The following TTC28 variants were observed in gnomAD, a reference collection of about 807,000 sequenced individuals.
TTC28 encodes tetratricopeptide repeat protein 28.
Under a neutral mutation model 198.0 loss-of-function variants are expected in TTC28, and 61 were observed. The observed-to-expected ratio is 0.31, with a 90% confidence interval of 0.25 to 0.38. The LOEUF (loss-of-function observed/expected upper bound fraction) is 0.38. Ranked by LOEUF, TTC28 falls within the 10% of genes least tolerant of loss-of-function variation. The pLI, the probability that TTC28 is intolerant of heterozygous loss-of-function variation, is 1.00. For missense variants in TTC28, 2,678 were observed against 3,164.0 expected, an observed-to-expected ratio of 0.85 and a Z score of 3.69; for synonymous variants, 1,171 against 1,297.8, an observed-to-expected ratio of 0.90 and a Z score of 2.10.
chr22:28,522,253 C>T (rs73430123), intron 2 of TTC28, among the ~76,000 whole-genome samples: 15,102 of 152,026 alleles, frequency 0.099, 857 homozygotes, highest in African/African-American at 0.12. Flanking sequence ...TTTGGGAGGC[C>T]GAGATAGGTG....
chr22:27,985,406 A>T, intron 21 of TTC28, 50 bp from the exon 22 acceptor site: 1 of 1,442,366 alleles, frequency 6.9e-7, no homozygotes, highest in African/African-American at 1.4e-5. Context: ...AAGATTCCAG[A>T]TCTTGAACAT....
chr22:28,510,221 CA>C (rs2048669240), intron 2 of TTC28, among the ~76,000 whole-genome samples: 1 of 151,308 alleles, frequency 6.6e-6, no homozygotes, highest in Non-Finnish European at 1.5e-5. Flanking sequence ...GGCAGAGATA[CA>C]AAACATCAAG....
chr22:28,582,897 G>A (rs1315887299), intron 2 of TTC28, among the ~76,000 whole-genome samples: 1 of 152,128 alleles, frequency 6.6e-6, no homozygotes, highest in Non-Finnish European at 1.5e-5. Flanking sequence ...GTACATTCCA[G>A]GTGATATGTC....
intron 2 of TTC28, among the ~76,000 whole-genome samples, chr22:28,625,905 T>A (rs1362571324): frequency 6.6e-6 from 1 of 152,272 alleles, no homozygotes; most frequent in Non-Finnish European, 1.5e-5. Context: ...GTCAAATGGT[T>A]TGTGACAAAG....
chr22:28,480,778 G>GA (rs368438854), intron 2 of TTC28, among the ~76,000 whole-genome samples: 2 of 151,484 alleles, frequency 1.3e-5, no homozygotes, highest in African/African-American at 2.4e-5. Flanking sequence ...AAAAAATACA[G>GA]AAAAAAAATA....
intron 2 of TTC28, among the ~76,000 whole-genome samples, chr22:28,623,147 A>G (rs1296580111): frequency 1.3e-5 from 2 of 151,868 alleles, no homozygotes; most frequent in Non-Finnish European, 2.9e-5. Flanking sequence ...TTTAAGAGAC[A>G]TGATCTCACT....
chr22:28,117,007 T>C (rs1018711849), intron 6 of TTC28, among the ~76,000 whole-genome samples: 27 of 152,252 alleles, frequency 1.8e-4, no homozygotes, highest in African/African-American at 6.3e-4. Flanking sequence ...CCCTGCTATC[T>C]GGATCTCTTC....
chr22:28,169,263 G>A (rs1922385677), intron 5 of TTC28, among the ~76,000 whole-genome samples: 1 of 152,162 alleles, frequency 6.6e-6, no homozygotes, highest in Non-Finnish European at 1.5e-5. Context: ...AAGTCGGTGT[G>A]GTGATTCCTC....
At chr22:28,115,661 G>A (rs370685887) in intron 6 of TTC28, among the ~76,000 whole-genome samples, 4 of 152,248 alleles carry the variant, frequency 2.6e-5, no homozygotes, top group South Asian at 2.1e-4. Flanking sequence ...GCCATCGCAC[G>A]TCTGTTCTGC....
intron 2 of TTC28, among the ~76,000 whole-genome samples, chr22:28,553,586 C>T (rs1380853825): frequency 6.6e-6 from 1 of 151,616 alleles, no homozygotes; most frequent in Non-Finnish European, 1.5e-5. Context: ...GCCCCTCCGC[C>T]CGGCAGCCAC....
chr22:28,579,492 T>C (rs2050201852), intron 2 of TTC28, among the ~76,000 whole-genome samples: 1 of 148,786 alleles, frequency 6.7e-6, no homozygotes, highest in Non-Finnish European at 1.5e-5. Context: ...TATAGTTATA[T>C]GTATAGTTAT....
chr22:28,103,217 T>G (rs1810331124), intron 8 of TTC28, among the ~76,000 whole-genome samples: 1 of 152,152 alleles, frequency 6.6e-6, no homozygotes, highest in Non-Finnish European at 1.5e-5. Flanking sequence ...CATCCAGCTC[T>G]CCTAGAACCT....
intron 2 of TTC28, among the ~76,000 whole-genome samples, chr22:28,479,755 T>C (rs2048219426): frequency 6.6e-6 from 1 of 152,122 alleles, no homozygotes; most frequent in South Asian, 2.1e-4. Context: ...CATTCTCCCC[T>C]ACCCCTAACT....
At chr22:28,539,440 G>A (rs139576955) in intron 2 of TTC28, among the ~76,000 whole-genome samples, 1 of 152,204 alleles carries the variant, frequency 6.6e-6, no homozygotes, top group Non-Finnish European at 1.5e-5. Flanking sequence ...TTCCAGACCA[G>A]CCTGAGCAAC....
intron 2 of TTC28, among the ~76,000 whole-genome samples, chr22:28,365,756 A>C (rs541119295): frequency 6.6e-6 from 1 of 152,312 alleles, no homozygotes; most frequent in African/African-American, 2.4e-5. Flanking sequence ...TCTCCTTTTA[A>C]TTTGAATTTA....
At chr22:28,514,129 T>C (rs2048738370) in intron 2 of TTC28, among the ~76,000 whole-genome samples, 1 of 152,202 alleles carries the variant, frequency 6.6e-6, no homozygotes, top group East Asian at 1.9e-4. Context: ...CCATGTATTC[T>C]TCTACTCTAT....
intron 1 of TTC28, among the ~76,000 whole-genome samples, chr22:28,650,890 A>T (rs188175580): frequency 2.6e-5 from 4 of 152,350 alleles, no homozygotes; most frequent in Non-Finnish European, 5.9e-5. Flanking sequence ...AGAATCTGAA[A>T]CAACTTTTAC....
intron 2 of TTC28, among the ~76,000 whole-genome samples, chr22:28,357,315 ATTTTTTTTTT>A (rs11415868): frequency 1.8e-5 from 2 of 113,486 alleles, no homozygotes; most frequent in African/African-American, 6.9e-5. Context: ...CAAATTTCTT[ATTTTTTTTTT>A]TTTTTTTTTT....
At chr22:28,346,633 G>A (rs750615599) in intron 2 of TTC28, among the ~76,000 whole-genome samples, 109 of 152,282 alleles carry the variant, frequency 7.2e-4, no homozygotes, top group Non-Finnish European at 9.7e-4. Flanking sequence ...TAACTTTCTT[G>A]CATATCCATG....
Sources: allele counts gnomAD v4.1 joint callset (sites outside exome capture counted in the v4.1 genomes callset), GRCh38; gene constraint gnomAD v4.1.1; transcripts MANE v1.5; gene names NCBI Gene and HGNC (gene_info 2026-07-23, HGNC 2026-07-21).